DDX10: variants seen among roughly 807,000 people sequenced by gnomAD.
The protein encoded by DDX10 is probable ATP-dependent RNA helicase DDX10.
DDX10 carries 74 observed loss-of-function variants against 104.3 expected under a neutral mutation model. That is an observed-to-expected ratio of 0.71 (90% CI 0.59 to 0.86). The LOEUF is 0.86. Among genes scored for constraint, DDX10 ranks in the 40% least tolerant of loss-of-function variants. The pLI is 0.00. For synonymous variants in DDX10, 351 were observed against 353.4 expected (o/e 0.99, Z 0.08); for missense variants, 952 against 1,040.0 (o/e 0.92, Z 1.16).
At chr11:108,761,854 G>A (rs771282716) in intron 13 of DDX10, among the ~76,000 whole-genome samples, 3 of 152,016 alleles carry the variant, frequency 2.0e-5, no homozygotes, top group Non-Finnish European at 2.9e-5. Context: ...AAGACCATAC[G>A]TTACTGCCAT....
intron 16 of DDX10, among the ~76,000 whole-genome samples, chr11:108,891,734 A>T (rs1017565486): frequency 6.6e-6 from 1 of 152,146 alleles, no homozygotes; most frequent in Non-Finnish European, 1.5e-5. Context: ...ACACGTATAA[A>T]ATTGGCTGTC....
intron 13 of DDX10, among the ~76,000 whole-genome samples, chr11:108,726,150 TC>T (rs1369457233): frequency 1.3e-5 from 2 of 152,190 alleles, no homozygotes; most frequent in East Asian, 3.9e-4. Context: ...TTATACTAAG[TC>T]TTAAATCAGA....
intron 13 of DDX10, among the ~76,000 whole-genome samples, chr11:108,739,912 A>G (rs955435694): frequency 6.7e-6 from 1 of 148,408 alleles, no homozygotes; most frequent in African/African-American, 2.5e-5. Flanking sequence ...ATTATCTTAA[A>G]TTTTAGATTT....
At chr11:108,773,223 A>G (rs1175966800) in intron 13 of DDX10, among the ~76,000 whole-genome samples, 1 of 152,216 alleles carries the variant, frequency 6.6e-6, no homozygotes, top group Non-Finnish European at 1.5e-5. Flanking sequence ...AGGAGTAAGA[A>G]TGGTTTCTCT....
chr11:108,724,563 A>G (rs1476042964), intron 13 of DDX10, among the ~76,000 whole-genome samples: 1 of 152,100 alleles, frequency 6.6e-6, no homozygotes, highest in Non-Finnish European at 1.5e-5. Flanking sequence ...TCCTGCTTCA[A>G]ATTAGATCAT....
chr11:108,896,643 C>A (rs1863445013), intron 16 of DDX10, among the ~76,000 whole-genome samples: 1 of 152,144 alleles, frequency 6.6e-6, no homozygotes, highest in Non-Finnish European at 1.5e-5. Context: ...TGTTTGAAAT[C>A]ATAATCATTC....
At chr11:108,859,856 G>A (rs761866462) in intron 16 of DDX10, among the ~76,000 whole-genome samples, 2 of 152,078 alleles carry the variant, frequency 1.3e-5, no homozygotes, top group Non-Finnish European at 2.9e-5. Flanking sequence ...AGGATCATTT[G>A]CCTATATTTT....
chr11:108,896,026 T>C (rs1208995073), intron 16 of DDX10, among the ~76,000 whole-genome samples: 8 of 152,124 alleles, frequency 5.3e-5, no homozygotes, highest in Admixed American at 1.3e-4. Flanking sequence ...GCCACCCAAA[T>C]GTAATCGTTC....
chr11:108,729,068 T>C (rs901694362), intron 13 of DDX10, among the ~76,000 whole-genome samples: 2 of 152,194 alleles, frequency 1.3e-5, no homozygotes, highest in East Asian at 1.9e-4. Context: ...GAACTGATTC[T>C]ACAGTTCGAA....
At chr11:108,708,210 TAAAAA>T (rs10602059) in intron 10 of DDX10, among the ~76,000 whole-genome samples, 3 of 127,176 alleles carry the variant, frequency 2.4e-5, no homozygotes, top group African/African-American at 8.4e-5. Context: ...TTTACTGAGT[TAAAAA>T]AAAAAAAAAA....
chr11:108,819,061 C>T (rs1460805790), intron 13 of DDX10, among the ~76,000 whole-genome samples: 1 of 152,178 alleles, frequency 6.6e-6, no homozygotes, highest in Non-Finnish European at 1.5e-5. Context: ...AGATTGTTTT[C>T]ATAGAGTTTT....
chr11:108,796,292 T>C (rs1291793939), intron 13 of DDX10, among the ~76,000 whole-genome samples: 2 of 152,222 alleles, frequency 1.3e-5, no homozygotes, highest in African/African-American at 4.8e-5. Flanking sequence ...TTTTCTGTGT[T>C]ACATTTTTGT....
Position 108,804,172 on chromosome 11 carries a change from C to G in DDX10, c.1966-34274C>G, listed in dbSNP as rs184377184. ...AACACATCAAACTAGAGAGCAGTTC[C>G]AAGTCAACTTACTGGTAACCTGTTG... On this transcript the variant is annotated intron_variant, in intron 13 of 17. Transcript: ENST00000322536. Among the ~76,000 whole-genome samples the G allele has an allele frequency of 1.2e-3, 182 of 152,210 alleles. 2 individuals carry two copies. Among genetic ancestry groups the G allele is most frequent in the African/African-American group, 4.2e-3 (176 of 41,516 alleles).
chr11:108,747,116 G>A (rs1157496648), intron 13 of DDX10, among the ~76,000 whole-genome samples: 1 of 152,094 alleles, frequency 6.6e-6, no homozygotes, highest in Non-Finnish European at 1.5e-5. Context: ...ATATATAAGA[G>A]AATAGCTGAA....
chr11:108,696,174 TTGTTC>T (rs1322068259), intron 9 of DDX10, among the ~76,000 whole-genome samples: 1 of 151,290 alleles, frequency 6.6e-6, no homozygotes, highest in Non-Finnish European at 1.5e-5. Context: ...GGTTTTTGTT[TTGTTC>T]TGTTTTGTTT....
chr11:108,668,047 G>A (rs1349435544), intron 1 of DDX10, among the ~76,000 whole-genome samples: 1 of 152,216 alleles, frequency 6.6e-6, no homozygotes, highest in Non-Finnish European at 1.5e-5. Flanking sequence ...GATGTTGTTT[G>A]CTGTAAGACT....
At chr11:108,822,269 A>G (rs1053271966) in intron 13 of DDX10, 15 of 226,118 alleles carry the variant, frequency 6.6e-5, no homozygotes, top group Admixed American at 4.2e-4. Flanking sequence ...CTATTAAATT[A>G]TGGTACACAT....
At chr11:108,669,207 A>G (rs528385128) in intron 1 of DDX10, among the ~76,000 whole-genome samples, 10 of 151,644 alleles carry the variant, frequency 6.6e-5, no homozygotes, top group South Asian at 6.3e-4. Context: ...GACCCACCCA[A>G]CTCAGCCTCC....
chr11:108,759,599 T>C (rs2094348303), intron 13 of DDX10, among the ~76,000 whole-genome samples: 1 of 152,088 alleles, frequency 6.6e-6, no homozygotes, highest in South Asian at 2.1e-4. Context: ...AAAGTTTTTA[T>C]AGCCAACAAC....
Sources: gnomAD v4.1 joint callset for allele counts (sites outside exome capture counted in the v4.1 genomes callset) on GRCh38, gnomAD v4.1.1 for gene constraint, MANE v1.5 for transcripts, NCBI Gene and HGNC (gene_info 2026-07-23, HGNC 2026-07-21) for gene names.